Variants in PCDHA7 observed in about 807,000 individuals in gnomAD.
PCDHA7 encodes the protein protocadherin alpha 7.
PCDHA7 carries 37 observed loss-of-function variants against 57.2 expected under a neutral mutation model. The ratio of observed to expected loss-of-function variants is 0.65; its 90% CI spans 0.50 to 0.85. The LOEUF (loss-of-function observed/expected upper bound fraction) is 0.85. PCDHA7 is among the 40% of genes least tolerant of loss of function. The probability of loss-of-function intolerance (pLI) is 0.00; values close to 1 mark genes in which losing one functional copy is unlikely to be tolerated. For synonymous variants in PCDHA7, 553 were observed against 558.8 expected, an observed-to-expected ratio of 0.99 and a Z score of 0.15; for missense variants, 1,188 against 1,241.8, an observed-to-expected ratio of 0.96 and a Z score of 0.65.
chr5:140,837,239 AT>A (rs1774971058), intron 1 of PCDHA7: 1 of 152,014 alleles, frequency 6.6e-6, no homozygotes, highest in African/African-American at 2.4e-5. Flanking sequence ...TTTTACATCT[AT>A]TTATCTTCTT....
In PCDHA7 at chr5:140,834,279, T is replaced by C; in HGVS notation, c.-105T>C. On this transcript the variant is annotated 5_prime_UTR_variant, in exon 1 of 4. It removes an upstream start codon present in the reference 5' UTR. Coordinates refer to ENST00000525929, the MANE Select transcript of PCDHA7 (RefSeq NM_018910.3). ...GCTCCACTCTCTTTCACTCTTTGGA[T>C]GCACAACAATGGCCACACATCGAGA... The C allele has an allele frequency of 3.6e-6, 4 of 1,100,284 alleles. No individual in the cohort carries two copies. Among genetic ancestry groups the C allele is most frequent in the Non-Finnish European group, 5.3e-6 (4 of 757,176 alleles). The allele number at this position is 1,100,284 out of a possible 1,614,324, so 68.2% of individuals were successfully genotyped here. A position where few individuals can be genotyped will look rare whatever the true frequency, so the allele number is the denominator to read the frequency against.
chr5:140,838,086 GTGT>G (rs1775518307), intron 1 of PCDHA7, among the ~76,000 whole-genome samples: 1 of 64,264 alleles, frequency 1.6e-5, no homozygotes, highest in Non-Finnish European at 3.1e-5. Context: ...TAGTGTGTGT[GTGT>G]GTGTGTGTGT....
chr5:140,896,391 A>G (rs1438393041), intron 1 of PCDHA7, among the ~76,000 whole-genome samples: 2 of 152,040 alleles, frequency 1.3e-5, no homozygotes, highest in Non-Finnish European at 2.9e-5. Context: ...CCTCACCAGC[A>G]TCTGTTATTT....
intron 1 of PCDHA7, among the ~76,000 whole-genome samples, chr5:140,946,098 A>G (rs1249581075): frequency 6.6e-6 from 1 of 152,114 alleles, no homozygotes; most frequent in Non-Finnish European, 1.5e-5. Flanking sequence ...AGGAGTTAAC[A>G]TACCAAATAT....
Position 140,911,260 on chromosome 5 carries a change from A to G in PCDHA7, c.2356-67689A>G, listed in dbSNP as rs1178961396. On this transcript the variant is annotated intron_variant, in intron 1 of 3. Transcript: ENST00000525929. ...AAAAAAAGTTTCATCAGAATTTATA[A>G]TCTCAGTGTCCCCAGCTTCATCAGG... is the stretch of plus-strand genomic sequence containing the variant. Among the ~76,000 whole-genome samples, 8 of 152,222 alleles carry G rather than the reference A, an allele frequency of 5.3e-5. 1 individual carries two copies. The highest frequency in any genetic ancestry group is 1.9e-4 in the African/African-American group (8 of 41,520).
At chr5:140,884,141 G>C in intron 1 of PCDHA7, 1 of 1,613,422 alleles carries the variant, frequency 6.2e-7, no homozygotes, top group South Asian at 1.1e-5. Flanking sequence ...GTTCCGCGTG[G>C]GGCTGTACAC....
intron 1 of PCDHA7, chr5:140,966,981 TG>T (rs2096079365): frequency 1.2e-6 from 2 of 1,603,254 alleles, no homozygotes; most frequent in African/African-American, 2.7e-5. Flanking sequence ...CTGCGGCGCT[TG>T]GGGCCGGGTT....
intron 3 of PCDHA7, among the ~76,000 whole-genome samples, chr5:141,000,421 ATTTT>A (rs34755515): frequency 0.018 from 509 of 27,798 alleles, 2 homozygotes; most frequent in African/African-American, 0.027. Context: ...ATATATATAT[ATTTT>A]TTTTTTTTTT....
intron 1 of PCDHA7, chr5:140,927,653 G>A: frequency 6.2e-7 from 1 of 1,614,190 alleles, no homozygotes; most frequent in Non-Finnish European, 8.5e-7. Context: ...GTGTTATTCC[G>A]AGTTCAAGCC....
rs566725560 is a variant in PCDHA7, at chr5:140,929,099, G to T, written c.2356-49850G>T. The T allele has an allele frequency of 9.3e-6, 15 of 1,614,170 alleles. No homozygotes were observed. The African/African-American group carries it at 1.9e-4, about 20-fold the overall frequency. ...GGAAGTAAGATGGTTTCAAATCCTT[G>T]CATGACATCAGCCACCATAGATGTC... On this transcript the variant is annotated intron_variant, in intron 1 of 3. Transcript: ENST00000525929.
chr5:140,876,898 A>G (rs2056678585), intron 1 of PCDHA7: 38 of 1,614,056 alleles, frequency 2.4e-5, no homozygotes, highest in Non-Finnish European at 3.1e-5. Flanking sequence ...CCACATCTTC[A>G]CGGTGTCGGC....
chr5:140,869,014 T>C (rs929309556), intron 1 of PCDHA7: 5 of 1,524,414 alleles, frequency 3.3e-6, no homozygotes, highest in Admixed American at 2.2e-5. Flanking sequence ...TGAAACTTCT[T>C]AAGAATTCAA....
chr5:140,968,125 TAC>T, intron 1 of PCDHA7: 1 of 1,614,174 alleles, frequency 6.2e-7, no homozygotes, highest in Non-Finnish European at 8.5e-7. Context: ...CATCCCTGCG[TAC>T]ACTGAAGGTT....
intron 1 of PCDHA7, among the ~76,000 whole-genome samples, chr5:140,872,228 T>C (rs2053555588): frequency 6.6e-6 from 1 of 152,222 alleles, no homozygotes. Context: ...CAATCTTTAC[T>C]TTTGTCTTTA....
chr5:140,911,040 A>G (rs970284436), intron 1 of PCDHA7, among the ~76,000 whole-genome samples: 15 of 152,034 alleles, frequency 9.9e-5, no homozygotes, highest in Non-Finnish European at 2.2e-4. Context: ...CTAGAAGCAA[A>G]CAGGGGTGGT....
intron 1 of PCDHA7, chr5:140,871,252 T>A (rs782280300): frequency 2.5e-6 from 4 of 1,613,990 alleles, no homozygotes; most frequent in Non-Finnish European, 1.7e-6. Context: ...GCTGCTGCTG[T>A]ATACGGCGCT....
chr5:140,838,467 T>A (rs1775746524), intron 1 of PCDHA7, among the ~76,000 whole-genome samples: 1 of 151,796 alleles, frequency 6.6e-6, no homozygotes, highest in South Asian at 2.1e-4. Flanking sequence ...TCATTAGCGC[T>A]TATTCCTTGT....
chr5:141,005,133 T>C (rs559773723), intron 3 of PCDHA7, among the ~76,000 whole-genome samples: 3 of 152,328 alleles, frequency 2.0e-5, no homozygotes, highest in Admixed American at 6.5e-5. Context: ...AAGTGCCTCA[T>C]TGGAGAGTTG....
At chr5:140,977,925 A>G (rs782072280) in intron 1 of PCDHA7, among the ~76,000 whole-genome samples, 8 of 152,152 alleles carry the variant, frequency 5.3e-5, no homozygotes, top group Non-Finnish European at 1.0e-4. Flanking sequence ...TTTTCATTCA[A>G]CTATACCTCA....
Sources: allele counts gnomAD v4.1 joint callset (sites outside exome capture counted in the v4.1 genomes callset), GRCh38; gene constraint gnomAD v4.1.1; transcripts MANE v1.5; gene names NCBI Gene and HGNC (gene_info 2026-07-23, HGNC 2026-07-21).